GCC2: variants seen among roughly 807,000 people sequenced by gnomAD.
The protein encoded by GCC2 is GRIP and coiled-coil domain-containing protein 2.
In GCC2, 120 loss-of-function variants were observed where a neutral mutation model predicts 210.6. The ratio of observed to expected loss-of-function variants is 0.57; its 90% CI spans 0.49 to 0.66. The LOEUF (loss-of-function observed/expected upper bound fraction) is 0.66. Among genes scored for constraint, GCC2 ranks in the 30% least tolerant of loss-of-function variants. The pLI, the probability that GCC2 is intolerant of heterozygous loss-of-function variation, is 0.00. For missense variants in GCC2, 1,868 were observed against 1,871.9 expected (o/e 1.00, Z 0.04); for synonymous variants, 703 against 652.7 (o/e 1.08, Z -1.17).
intron 4 of GCC2, among the ~76,000 whole-genome samples, chr2:108,453,352 C>T (rs1483508893): frequency 6.6e-6 from 1 of 152,122 alleles, no homozygotes; most frequent in Non-Finnish European, 1.5e-5. Flanking sequence ...TCTTTTTTCT[C>T]TCTATTTCTA....
intron 12 of GCC2, 126 bp from the exon 13 acceptor site, chr2:108,484,023 T>G: frequency 2.1e-6 from 1 of 483,534 alleles, no homozygotes; most frequent in East Asian, 3.5e-5. Flanking sequence ...GTAAACAATT[T>G]CAGTATTACA....
At chr2:108,469,307 G>C in intron 5 of GCC2, 3 of 428,578 alleles carry the variant, frequency 7.0e-6, no homozygotes. Flanking sequence ...TAGCTATAAT[G>C]CCATCTTTAC....
intron 22 of GCC2, among the ~76,000 whole-genome samples, chr2:108,504,909 CA>C (rs1408153458): frequency 2.6e-5 from 4 of 152,066 alleles, no homozygotes; most frequent in African/African-American, 9.7e-5. Flanking sequence ...GAAAATAGGC[CA>C]AGCCTGTTAT....
In GCC2 at chr2:108,483,155, C is replaced by G. The variant is rs778153215; in HGVS notation, c.3439C>G (p.Leu1147Val). ...TCAGAAAACCATGCAAGAATTAGAG[C>G]TGGTTAAAAAGGTAAAATAAAACAC... ...QLQKTMQELE[L>V]VKKDAQQTTL... The change falls in exon 12 of 23, where the codon CTG becomes GTG. Residue 1147 changes from leucine to valine, a missense_variant. By Grantham distance (32) the Leu-to-Val change is conservative. Transcript: ENST00000309863. 11 of 1,483,514 alleles carry G rather than the reference C, an allele frequency of 7.4e-6. No homozygotes were observed. In the South Asian group the frequency reaches 1.2e-4, roughly 17 times the overall value. 91.9% of individuals were successfully genotyped at this position (1,483,514 alleles called of 1,614,324 possible).
intron 2 of GCC2, 96 bp downstream of exon 2, chr2:108,449,785 T>C: frequency 1.1e-6 from 1 of 897,958 alleles, no homozygotes; most frequent in Non-Finnish European, 1.8e-6. Context: ...CTGATTTTTT[T>C]TTTTTTAATA....
intron 9 of GCC2, among the ~76,000 whole-genome samples, chr2:108,477,573 CAG>C (rs1681607793): frequency 6.6e-6 from 1 of 152,108 alleles, no homozygotes; most frequent in African/African-American, 2.4e-5. Flanking sequence ...AAGTTTGAAA[CAG>C]AAACCAATGA....
intron 12 of GCC2, among the ~76,000 whole-genome samples, 182 bp downstream of exon 12, chr2:108,483,348 C>A (rs751357030): frequency 1.8e-4 from 28 of 152,088 alleles, no homozygotes; most frequent in Non-Finnish European, 2.4e-4. Context: ...CTCAGCCTTC[C>A]AAGTAGCCGA....
At chr2:108,504,786 C>T (rs889392964) in intron 22 of GCC2, among the ~76,000 whole-genome samples, 1 of 152,178 alleles carries the variant, frequency 6.6e-6, no homozygotes, top group African/African-American at 2.4e-5. Context: ...TGCTCCCAGA[C>T]TGTGTTACAG....
At chr2:108,475,143 C>G (rs1681441978) in intron 7 of GCC2, 1 of 155,370 alleles carries the variant, frequency 6.4e-6, no homozygotes, top group African/African-American at 2.4e-5. Flanking sequence ...AGGAGGAGTG[C>G]ACTTATGGAG....
At chr2:108,488,922 A>G (rs1055212399) in intron 17 of GCC2, among the ~76,000 whole-genome samples, 2 of 152,252 alleles carry the variant, frequency 1.3e-5, no homozygotes, top group Non-Finnish European at 2.9e-5. Flanking sequence ...GAAATTAGAT[A>G]CTGATACATT....
chr2:108,494,848 C>G (rs1682565795), intron 19 of GCC2: 1 of 152,712 alleles, frequency 6.5e-6, no homozygotes, highest in South Asian at 2.1e-4. Flanking sequence ...GAGTCTCACT[C>G]TGTCGCCAGG....
rs1242779365 is a variant in GCC2, at chr2:108,460,097, C to T, written c.216+7631C>T. Among the ~76,000 whole-genome samples the T allele has an allele frequency of 3.3e-5, 5 of 152,200 alleles. No homozygotes were observed. The East Asian group carries it at 7.8e-4, about 24-fold the overall frequency. On this transcript the variant is annotated intron_variant, in intron 4 of 22. Coordinates refer to ENST00000309863, the MANE Select transcript of GCC2 (RefSeq NM_181453.4). ...AGCTCCTGACCTCAGGTGATCCACCCATCTCAGCTTTCCAAAGTGCTGGGA... is the reference window on the plus strand; with the variant it reads ...AGCTCCTGACCTCAGGTGATCCACCTATCTCAGCTTTCCAAAGTGCTGGGA...
At chr2:108,487,501 CAATT>C (rs1472636989) in intron 16 of GCC2, among the ~76,000 whole-genome samples, 194 bp from the exon 17 acceptor site, 1 of 152,042 alleles carries the variant, frequency 6.6e-6, no homozygotes, top group Non-Finnish European at 1.5e-5. Context: ...AATTATGTAT[CAATT>C]AAAAAGAAAA....
chr2:108,449,444 C>T (rs1200570495), intron 1 of GCC2, among the ~76,000 whole-genome samples, 164 bp downstream of exon 1: 2 of 152,214 alleles, frequency 1.3e-5, no homozygotes, highest in African/African-American at 4.8e-5. Context: ...CTGGGGGTTA[C>T]CTGCCCCGTA....
rs368134594 is a variant in GCC2, at chr2:108,501,217, C to T, written c.4984+1463C>T. Among the ~76,000 whole-genome samples, 575 of 152,066 alleles carry T rather than the reference C, an allele frequency of 3.8e-3. 3 individuals carry two copies. Among genetic ancestry groups the T allele is most frequent in the South Asian group, 0.021 (100 of 4,826 alleles). Reference sequence around the variant, plus strand: ...GGCCAGGATGGTCTCAATCTCCTGACCTTGTGATCTGCCCGCCTTGGCCTC... The same window carrying T: ...GGCCAGGATGGTCTCAATCTCCTGATCTTGTGATCTGCCCGCCTTGGCCTC... On this transcript the variant is annotated intron_variant, in intron 22 of 22. Coordinates refer to ENST00000309863, the MANE Select transcript of GCC2 (RefSeq NM_181453.4).
At chr2:108,458,579 T>A (rs1399042813) in intron 4 of GCC2, among the ~76,000 whole-genome samples, 1 of 152,040 alleles carries the variant, frequency 6.6e-6, no homozygotes, top group Non-Finnish European at 1.5e-5. Flanking sequence ...GGAGACTTTT[T>A]ATTACTGATT....
In GCC2 at chr2:108,472,168, A is replaced by G. The variant is rs571134817; in HGVS notation, c.2787+52A>G. On this transcript the variant is annotated intron_variant, in intron 6 of 22. Coordinates refer to ENST00000309863, the MANE Select transcript of GCC2 (RefSeq NM_181453.4). ...TCAAATAAATTCTTAGTTCAACTCT[A>G]CAATATATACGTTAAACATTTTTAC... 7 of 1,245,044 alleles carry G rather than the reference A, an allele frequency of 5.6e-6. No individual in the cohort carries two copies. The South Asian group carries it at 1.0e-4, about 18-fold the overall frequency. The allele number at this position is 1,245,044 out of a possible 1,614,324, so 77.1% of individuals were successfully genotyped here. A position where few individuals can be genotyped will look rare whatever the true frequency, so the allele number is the denominator to read the frequency against.
At chr2:108,497,576 T>A (rs1238730767) in intron 21 of GCC2, among the ~76,000 whole-genome samples, 1 of 152,244 alleles carries the variant, frequency 6.6e-6, no homozygotes, top group African/African-American at 2.4e-5. Context: ...ATTCTAAAGA[T>A]AACCAGTGAA....
At chr2:108,457,734 T>C (rs1208513874) in intron 4 of GCC2, among the ~76,000 whole-genome samples, 1 of 152,224 alleles carries the variant, frequency 6.6e-6, no homozygotes, top group East Asian at 1.9e-4. Context: ...TGTTGCCTTC[T>C]TGATTTCCTT....
Sources: allele counts gnomAD v4.1 joint callset (sites outside exome capture counted in the v4.1 genomes callset), GRCh38; gene constraint gnomAD v4.1.1; transcripts MANE v1.5; gene names NCBI Gene and HGNC (gene_info 2026-07-23, HGNC 2026-07-21).